POPDC3: variants seen among roughly 807,000 people sequenced by gnomAD.
The protein encoded by POPDC3 is popeye domain cAMP effector 3, also known as popeye domain-containing protein 3.
Under a neutral mutation model 28.2 loss-of-function variants are expected in POPDC3, and 20 were observed. The ratio of observed to expected loss-of-function variants is 0.71; its 90% confidence interval spans 0.50 to 1.03. The LOEUF is 1.03. Among genes scored for constraint, POPDC3 ranks in the 50% least tolerant of loss-of-function variants. The probability of loss-of-function intolerance (pLI) is 0.00; values close to 1 mark genes in which losing one functional copy is unlikely to be tolerated. For synonymous variants in POPDC3, 118 were observed against 124.1 expected (o/e 0.95, Z 0.33); for missense variants, 316 against 345.9 (o/e 0.91, Z 0.69).
rs368997977 is a variant in POPDC3 at position 105,158,660 on chromosome 6, C to T, written c.686G>A (p.Arg229His). 47 of 1,613,988 alleles carry T rather than the reference C, an allele frequency of 2.9e-5. No homozygotes were observed. Among genetic ancestry groups the T allele is most frequent in the East Asian group, 2.7e-4 (12 of 44,864 alleles). The change falls in exon 4 of 4, where the codon CGC (arginine) becomes CAC (histidine). Residue 229 changes from arginine to histidine, a missense_variant. Transcript: ENST00000254765. ...ACTGCCAATTAGCACTGAAAAAAGG[C>T]GGGAGATGTAGCGATGCTGAGCAAA... ...LLFAQHRYIS[R>H]LFSVLIGSDI...
chr6:105,159,998 TC>T (rs1246929273), intron 2 of POPDC3, 179 bp from the exon 3 acceptor site: 3 of 482,394 alleles, frequency 6.2e-6, no homozygotes, highest in African/African-American at 5.9e-5. Flanking sequence ...CCTGTAAGAT[TC>T]ATGTTATCAT....
At chr6:105,175,375 C>CAAAA (rs60678447) in intron 1 of POPDC3, among the ~76,000 whole-genome samples, 4 of 99,104 alleles carry the variant, frequency 4.0e-5, no homozygotes, top group African/African-American at 1.8e-4. Context: ...CCTAACTCTC[C>CAAAA]AAAAAAAAAA....
At chr6:105,160,635 T>A (rs1272063154) in intron 2 of POPDC3, among the ~76,000 whole-genome samples, 1 of 152,000 alleles carries the variant, frequency 6.6e-6, no homozygotes, top group African/African-American at 2.4e-5. Context: ...TTCTGTTGCT[T>A]AGGCTGAAGT....
intron 1 of POPDC3, among the ~76,000 whole-genome samples, chr6:105,175,576 C>A (rs1774669112): frequency 1.3e-5 from 2 of 151,698 alleles, no homozygotes. Context: ...GGCGCAGTGG[C>A]TCATGCCTGT....
chr6:105,179,096 T>G, intron 1 of POPDC3: 1 of 985,496 alleles, frequency 1.0e-6, no homozygotes, highest in South Asian at 4.7e-5. Context: ...ACTGCCCCTC[T>G]TACTGTATTT....
At chr6:105,159,172 G>T (rs2114522779) in intron 3 of POPDC3, 1 of 160,162 alleles carries the variant, frequency 6.2e-6, no homozygotes, top group African/African-American at 2.4e-5. Flanking sequence ...ATTTGAGTTT[G>T]TTGCATACAC....
chr6:105,158,335 A>G lies in POPDC3; in HGVS notation c.*135T>C, dbSNP rs1774227471. On this transcript the variant is annotated 3_prime_UTR_variant, in exon 4 of 4. Coordinates refer to ENST00000254765, the MANE Select transcript of POPDC3 (RefSeq NM_022361.5). ...ATGCAGTTGTTGAAAGGAATAAAAC[A>G]GTTGGCAATGGCATCTCGCTTCTGA... 2.9e-6 allele frequency: 2 copies of G among 684,830 alleles called. No homozygotes were observed. 42.4% of individuals were successfully genotyped at this position (684,830 alleles called of 1,614,324 possible).
At chr6:105,174,428 G>A (rs1243124914) in intron 1 of POPDC3, among the ~76,000 whole-genome samples, 1 of 152,198 alleles carries the variant, frequency 6.6e-6, no homozygotes, top group Non-Finnish European at 1.5e-5. Context: ...CGGAGGTAAG[G>A]AAACTGGCTC....
At chr6:105,167,916 A>T (rs1287818871) in intron 1 of POPDC3, among the ~76,000 whole-genome samples, 1 of 152,196 alleles carries the variant, frequency 6.6e-6, no homozygotes, top group African/African-American at 2.4e-5. Flanking sequence ...TTATATTTCT[A>T]TTGGACAGTG....
chr6:105,173,350 A>G (rs1774618590), intron 1 of POPDC3, among the ~76,000 whole-genome samples: 1 of 152,156 alleles, frequency 6.6e-6, no homozygotes, highest in African/African-American at 2.4e-5. Flanking sequence ...AGGAAAAGGT[A>G]CTAGCTCTCC....
chr6:105,158,483 T>C lies in POPDC3; in HGVS notation c.863A>G (p.Tyr288Cys), dbSNP rs758804753. The C allele has an allele frequency of 5.0e-6, 8 of 1,611,128 alleles. No individual in the cohort carries two copies. The highest frequency in any genetic ancestry group is 1.7e-5 in the Admixed American group (1 of 59,918). Residue 288 changes from tyrosine to cysteine, a missense_variant, in exon 4 of 4, where the codon TAC becomes TGC. Coordinates refer to ENST00000254765, the MANE Select transcript of POPDC3 (RefSeq NM_022361.5). ...CAGACTTTGATGTCATTTATCACAG[T>C]ATCGTCTGGAATTCTGAAAATGTTG... ...LTQHFQNSRR[Y>C]CDK is the part of the protein sequence containing the mutation.
At position 105,158,419 on chromosome 6, in the gene POPDC3, A is replaced by C; in HGVS notation, c.*51T>G. 6.9e-7 allele frequency: 1 copy of C among 1,440,546 alleles called. No individual in the cohort carries two copies. Among genetic ancestry groups the C allele is most frequent in the Non-Finnish European group, 9.3e-7 (1 of 1,071,996 alleles). 89.2% of individuals were successfully genotyped at this position (1,440,546 alleles called of 1,614,324 possible). ...TTTGTATTTTGCTATTTCACTGGGGAATGATGAAGAGAGAGTCTTTTTTTA... is the reference window on the plus strand; with the variant it reads ...TTTGTATTTTGCTATTTCACTGGGGCATGATGAAGAGAGAGTCTTTTTTTA... On this transcript the variant is annotated 3_prime_UTR_variant, in exon 4 of 4. Coordinates refer to ENST00000254765, the MANE Select transcript of POPDC3 (RefSeq NM_022361.5).
intron 1 of POPDC3, among the ~76,000 whole-genome samples, chr6:105,174,897 G>C (rs758810273): frequency 1.3e-5 from 2 of 152,146 alleles, no homozygotes; most frequent in Non-Finnish European, 2.9e-5. Flanking sequence ...GGCCAGGCGT[G>C]GTGTCTCACA....
At chr6:105,170,040 A>G (rs1416269635) in intron 1 of POPDC3, 1 of 152,206 alleles carries the variant, frequency 6.6e-6, no homozygotes, top group African/African-American at 2.4e-5. Context: ...GAGGGATAGG[A>G]GGGTAGGTCC....
At chr6:105,176,718 G>A (rs1474426593) in intron 1 of POPDC3, among the ~76,000 whole-genome samples, 1 of 152,068 alleles carries the variant, frequency 6.6e-6, no homozygotes, top group African/African-American at 2.4e-5. Context: ...AACCACGCCT[G>A]GCTAATTTTT....
chr6:105,178,964 A>G (rs1583000444), intron 1 of POPDC3: 1 of 985,474 alleles, frequency 1.0e-6, no homozygotes, highest in South Asian at 4.7e-5. Flanking sequence ...AAAGTCAGGA[A>G]GCAACGAAGT....
intron 1 of POPDC3, among the ~76,000 whole-genome samples, chr6:105,174,985 G>C (rs151169440): frequency 0.013 from 1,909 of 151,618 alleles, 21 homozygotes; most frequent in African/African-American, 0.03. Context: ...TGAGCAACAT[G>C]GTGAAACCCC....
chr6:105,159,467 A>G (rs934892810), intron 3 of POPDC3, among the ~76,000 whole-genome samples: 1 of 152,252 alleles, frequency 6.6e-6, no homozygotes, highest in African/African-American at 2.4e-5. Context: ...AGTAAAGCTT[A>G]AAGTATTGAT....
chr6:105,177,121 AGATT>A (rs1774695807), intron 1 of POPDC3: 1 of 243,488 alleles, frequency 4.1e-6, no homozygotes, highest in Non-Finnish European at 6.6e-6. Context: ...TATTTTCTTT[AGATT>A]GTTTCATAAT....
Sources: gnomAD v4.1 joint callset for allele counts (sites outside exome capture counted in the v4.1 genomes callset) on GRCh38, gnomAD v4.1.1 for gene constraint, MANE v1.5 for transcripts, NCBI Gene and HGNC (gene_info 2026-07-23, HGNC 2026-07-21) for gene names.